Variants in AFTPH observed in about 807,000 individuals in gnomAD.
AFTPH encodes aftiphilin.
A neutral mutation model predicts 72.5 loss-of-function variants in AFTPH; 7 were observed. The observed-to-expected ratio is 0.10, with a 90% CI of 0.05 to 0.18. AFTPH has a LOEUF of 0.18. Ranked by LOEUF, AFTPH falls within the 10% of genes least tolerant of loss-of-function variation. The probability of loss-of-function intolerance (pLI) is 1.00; values close to 1 mark genes in which losing one functional copy is unlikely to be tolerated. For missense variants in AFTPH, 979 were observed against 1,060.5 expected (o/e 0.92, Z 1.07); for synonymous variants, 337 against 370.1 (o/e 0.91, Z 1.03).
At chr2:64,572,072 TAGTC>T (rs1287478671) in intron 5 of AFTPH, among the ~76,000 whole-genome samples, 2 of 151,886 alleles carry the variant, frequency 1.3e-5, no homozygotes, top group African/African-American at 2.4e-5. Context: ...TACAAAAAAT[TAGTC>T]AGGCATGGTG....
intron 2 of AFTPH, among the ~76,000 whole-genome samples, chr2:64,560,308 A>C (rs1375448099): frequency 6.6e-6 from 1 of 152,154 alleles, no homozygotes; most frequent in African/African-American, 2.4e-5. Flanking sequence ...TTCATACATG[A>C]AGCTTTGCCC....
At chr2:64,524,676 G>A in intron 1 of AFTPH, 64 bp downstream of exon 1, 1 of 393,902 alleles carries the variant, frequency 2.5e-6, no homozygotes, top group Non-Finnish European at 4.5e-6. Flanking sequence ...ACCAGGCCCG[G>A]CCCAGCAGCC....
At chr2:64,550,731 A>ACC (rs1491549278) in intron 1 of AFTPH, among the ~76,000 whole-genome samples, 1 of 146,802 alleles carries the variant, frequency 6.8e-6, no homozygotes, top group African/African-American at 2.6e-5. Flanking sequence ...ACACACACAC[A>ACC]ACTGGTGAAA....
At chr2:64,548,249 C>T (rs1443277165) in intron 1 of AFTPH, among the ~76,000 whole-genome samples, 1 of 145,162 alleles carries the variant, frequency 6.9e-6, no homozygotes, top group East Asian at 2.0e-4. Flanking sequence ...AAAAATTAGC[C>T]GGGCGCGGTG....
chr2:64,584,864 G>A (rs1323237320), intron 7 of AFTPH, among the ~76,000 whole-genome samples: 1 of 152,208 alleles, frequency 6.6e-6, no homozygotes, highest in Admixed American at 6.5e-5. Context: ...CCAAAGTGCT[G>A]GGATTACAGG....
chr2:64,587,756 G>A (rs1189897195), intron 8 of AFTPH, among the ~76,000 whole-genome samples: 1 of 152,222 alleles, frequency 6.6e-6, no homozygotes, highest in Non-Finnish European at 1.5e-5. Context: ...AGTTGTGAAA[G>A]TGACTTCTCA....
chr2:64,553,353 A>G lies in AFTPH; in HGVS notation c.1879A>G (p.Thr627Ala), dbSNP rs1427249758. The G allele has an allele frequency of 9.9e-6, 16 of 1,610,318 alleles. No individual in the cohort carries two copies. Among genetic ancestry groups the G allele is most frequent in the South Asian group, 3.3e-5 (3 of 89,996 alleles). ...CAAAACGCACAGTGTACCTTCAGCAACTTCCAAAGGAGCAGTTGCTAGTGG... is the reference window on the plus strand; with the variant it reads ...CAAAACGCACAGTGTACCTTCAGCAGCTTCCAAAGGAGCAGTTGCTAGTGG... Residue 627 changes from threonine (T) to alanine (A), a missense_variant, in exon 2 of 9, where the codon ACT (threonine) becomes GCT (alanine). This residue lies in a region of AFTPH where 438 missense variants were observed against 530.0 expected (regional missense o/e 0.83). Coordinates refer to ENST00000238856, the Ensembl canonical transcript of AFTPH.
chr2:64,576,140 C>CGTGT (rs35888182), intron 6 of AFTPH, among the ~76,000 whole-genome samples: 20 of 134,774 alleles, frequency 1.5e-4, no homozygotes, highest in African/African-American at 3.1e-4. Context: ...AAATGAAATA[C>CGTGT]GTGTGTGTGT....
chr2:64,588,771 G>T (rs970139265), intron 8 of AFTPH, among the ~76,000 whole-genome samples: 1 of 152,100 alleles, frequency 6.6e-6, no homozygotes, highest in African/African-American at 2.4e-5. Context: ...TTTTAGTAGA[G>T]ACAAGGTCTC....
chr2:64,544,705 G>A (rs1261639272), intron 1 of AFTPH, among the ~76,000 whole-genome samples: 1 of 145,596 alleles, frequency 6.9e-6, no homozygotes, highest in Non-Finnish European at 1.5e-5. Flanking sequence ...CAATTAACAT[G>A]AAACTTCTTT....
At chr2:64,578,627 G>T (rs964892335) in intron 6 of AFTPH, among the ~76,000 whole-genome samples, 1 of 151,198 alleles carries the variant, frequency 6.6e-6, no homozygotes, top group African/African-American at 2.4e-5. Flanking sequence ...GCACGATCTC[G>T]GCTCACTGCA....
chr2:64,545,865 A>G (rs956932204), intron 1 of AFTPH, among the ~76,000 whole-genome samples: 2 of 151,840 alleles, frequency 1.3e-5, no homozygotes, highest in African/African-American at 4.8e-5. Flanking sequence ...ATACACAAAC[A>G]CAAACGCAAG....
At chr2:64,570,915 T>TCCCCC (rs3841896) in intron 5 of AFTPH, among the ~76,000 whole-genome samples, 2 of 74,578 alleles carry the variant, frequency 2.7e-5, no homozygotes, top group Non-Finnish European at 2.8e-5. Context: ...TTTCCTCCCC[T>TCCCCC]CCCCCCCCCC....
At position 64,549,308 on chromosome 2, in the gene AFTPH, C is replaced by CTTTTTTTT. The variant is rs34951706; in HGVS notation, c.-32-2112_-32-2105dup. Among the ~76,000 whole-genome samples, 14 of 56,024 alleles carry CTTTTTTTT rather than the reference C, an allele frequency of 2.5e-4. 1 individual carries two copies. The highest frequency in any genetic ancestry group is 7.9e-4 in the African/African-American group (13 of 16,392). 36.8% of individuals were successfully genotyped at this position (56,024 alleles called of 152,430 possible). On this transcript the variant is annotated intron_variant, in intron 1 of 8. Coordinates refer to ENST00000238856, the Ensembl canonical transcript of AFTPH. ...CTAGGACTTTGGCTGTTAGTCCTCC[C>CTTTTTTTT]TTTTTTTTTTTTTTTTTTTTTTTTT...
intron 2 of AFTPH, 116 bp from the exon 3 acceptor site, chr2:64,567,446 T>C (rs1672154380): frequency 1.9e-6 from 2 of 1,026,772 alleles, no homozygotes. Context: ...TTCTGATGGT[T>C]CTCTTCCTCT....
rs112960991 is a variant in AFTPH at position 64,578,611 on chromosome 2, G to C, written c.2395-875G>C. Among the ~76,000 whole-genome samples the C allele has an allele frequency of 9.0e-3, 1,359 of 151,100 alleles. 22 individuals carry two copies. Among genetic ancestry groups the C allele is most frequent in the African/African-American group, 0.031 (1,282 of 41,172 alleles). ...ACTCTGTCGCCCAGGCTAGAGTGCA[G>C]TAGTGGCACGATCTCGGCTCACTGC... On this transcript the variant is annotated intron_variant, in intron 6 of 8. Coordinates refer to ENST00000238856, the Ensembl canonical transcript of AFTPH.
Position 64,540,797 on chromosome 2 carries a change from C to T in AFTPH, c.-32-10646C>T, listed in dbSNP as rs75016515. Among the ~76,000 whole-genome samples, 1,490 of 152,068 alleles carry T rather than the reference C, an allele frequency of 9.8e-3. 23 individuals are homozygous for T. The highest frequency in any genetic ancestry group is 0.033 in the African/African-American group (1,374 of 41,480). ...TTGCTGCTCATTTTCATTGTTTGCT[C>T]ATATTTTGTACTATATACACTAATA... is the stretch of plus-strand genomic sequence containing the variant. On this transcript the variant is annotated intron_variant, in intron 1 of 8. Transcript: ENST00000238856.
rs762897109 is a variant in AFTPH, at chr2:64,552,605, T to A, written c.1131T>A (p.Asp377Glu). The A allele has an allele frequency of 1.9e-6, 3 of 1,614,158 alleles. No individual in the cohort carries two copies. The South Asian group carries it at 3.3e-5, about 18-fold the overall frequency. Residue 377 changes from aspartate (D) to glutamate (E), a missense_variant, in exon 2 of 9, where the codon GAT becomes GAA. Physicochemically the swap from Asp to Glu is conservative, Grantham distance 45. Coordinates refer to ENST00000238856, the Ensembl canonical transcript of AFTPH. ...GCATGGATTCTGTTAAAACTTCTGA[T>A]GATGAAGTTGGTTCTCCCAAAGAAG...
At chr2:64,545,165 A>G (rs1670497651) in intron 1 of AFTPH, among the ~76,000 whole-genome samples, 1 of 152,162 alleles carries the variant, frequency 6.6e-6, no homozygotes, top group Admixed American at 6.5e-5. Context: ...AGATTAGGCT[A>G]GGAAAAAAAA....
Sources: allele counts gnomAD v4.1 joint callset (sites outside exome capture counted in the v4.1 genomes callset), GRCh38; gene constraint gnomAD v4.1.1; regional missense constraint gnomAD v4.1.1; transcripts MANE v1.5; gene names NCBI Gene and HGNC (gene_info 2026-07-23, HGNC 2026-07-21).